ZNF81: variants seen among roughly 807,000 people sequenced by gnomAD.
ZNF81 encodes zinc finger protein 81 (HFZ20).
In ZNF81, 5 loss-of-function variants were observed where a neutral mutation model predicts 32.3. That is an observed-to-expected ratio of 0.15 (90% CI 0.08 to 0.33). The LOEUF is 0.33. Among genes scored for constraint, ZNF81 ranks in the 10% least tolerant of loss-of-function variants. The pLI is 1.00. For missense variants in ZNF81, 379 were observed against 479.8 expected, an observed-to-expected ratio of 0.79 and a Z score of 1.96; for synonymous variants, 163 against 166.8, an observed-to-expected ratio of 0.98 and a Z score of 0.17.
In ZNF81 at chrX:47,873,179, G is replaced by A. The variant is rs17332436; in HGVS notation, c.55-14820G>A. Among the ~76,000 whole-genome samples the A allele has an allele frequency of 0.013, 1,488 of 111,775 alleles. 72 individuals are homozygous for A. In the East Asian group the frequency reaches 0.16, roughly 12 times the overall value. ...CAGGAGAAAGTAAGAAAGCATGTTC[G>A]TTATCAGAGGACCTATCTTTATGGG... On this transcript the variant is annotated intron_variant, in intron 2 of 4. Coordinates refer to ENST00000338637, the MANE Select transcript of ZNF81 (RefSeq NM_007137.5).
intron 2 of ZNF81, among the ~76,000 whole-genome samples, chrX:47,871,640 C>G (rs1188762134): frequency 9.0e-6 from 1 of 111,704 alleles, no homozygotes; most frequent in Non-Finnish European, 1.9e-5. Flanking sequence ...ATTGCATCTT[C>G]CAAGCACAAG....
chrX:47,866,058 G>T (rs186890299), intron 2 of ZNF81, among the ~76,000 whole-genome samples: 126 of 111,912 alleles, frequency 1.1e-3, no homozygotes, highest in African/African-American at 3.8e-3. Context: ...ATTGCCCCTG[G>T]GAGAGTACTG....
intron 3 of ZNF81, among the ~76,000 whole-genome samples, chrX:47,888,749 C>G (rs2058652088): frequency 9.0e-6 from 1 of 111,258 alleles, no homozygotes; most frequent in South Asian, 3.8e-4. Flanking sequence ...GAGGCTGGAG[C>G]TAGGGGCTAG....
intron 2 of ZNF81, among the ~76,000 whole-genome samples, chrX:47,877,840 G>A (rs889420492): frequency 1.1e-4 from 12 of 111,870 alleles, no homozygotes; most frequent in Non-Finnish European, 2.1e-4. Flanking sequence ...GAATTCTTTG[G>A]GTCAGTTTCT....
At chrX:47,908,719 G>C (rs782421475) in intron 4 of ZNF81, among the ~76,000 whole-genome samples, 5 of 112,294 alleles carry the variant, frequency 4.5e-5, no homozygotes, top group Non-Finnish European at 7.5e-5. Context: ...ATGAACTGCT[G>C]TTACAAGAAC....
intron 2 of ZNF81, among the ~76,000 whole-genome samples, chrX:47,855,417 A>G (rs1446953526): frequency 9.0e-6 from 1 of 110,705 alleles, no homozygotes; most frequent in Non-Finnish European, 1.9e-5. Flanking sequence ...GTGCAATGAA[A>G]CCATGTATGC....
In ZNF81 at chrX:47,846,152, A is replaced by G. The variant is rs1057515906; in HGVS notation, c.-116A>G. 1 of 882,239 alleles carries G rather than the reference A, an allele frequency of 1.1e-6. No homozygotes were observed. The highest frequency in any genetic ancestry group is 2.6e-5 in the Admixed American group (1 of 38,003). The allele number at this position is 882,239 out of a possible 1,213,427, so 72.7% of individuals were successfully genotyped here. On this transcript the variant is annotated 5_prime_UTR_variant, in exon 2 of 5. Coordinates refer to ENST00000338637, the MANE Select transcript of ZNF81 (RefSeq NM_007137.5). ...TCCCTGGGCCAGATCTCACAGTGAA[A>G]GCTGCAGGATCTTCCTTCTGACCCC... is the stretch of plus-strand genomic sequence containing the variant.
At position 47,922,582 on chromosome X, in the gene ZNF81, C is replaced by T. The variant is rs1205987390; in HGVS notation, c.*5950C>T. On this transcript the variant is annotated 3_prime_UTR_variant, in exon 5 of 5. Coordinates refer to ENST00000338637, the MANE Select transcript of ZNF81 (RefSeq NM_007137.5). The stretch of plus-strand genomic sequence containing the variant: ...ATCTGCCAGGGTTTCAATCCTGGCT[C>T]TACCAATTTACTAGTTTATGTGACC... 9.0e-6 allele frequency among the ~76,000 whole-genome samples: 1 copy of T among 111,723 alleles called. No individual in the cohort carries two copies. Among genetic ancestry groups the T allele is most frequent in the Non-Finnish European group, 1.9e-5 (1 of 53,137 alleles).
At chrX:47,911,937 G>C (rs927675890) in intron 4 of ZNF81, among the ~76,000 whole-genome samples, 1 of 110,705 alleles carries the variant, frequency 9.0e-6, no homozygotes, top group Non-Finnish European at 1.9e-5. Context: ...CCTTTGATTT[G>C]AAAATAAACT....
At chrX:47,875,727 T>A (rs1423393233) in intron 2 of ZNF81, among the ~76,000 whole-genome samples, 1 of 112,136 alleles carries the variant, frequency 8.9e-6, no homozygotes, top group Admixed American at 9.5e-5. Flanking sequence ...ACACAGGAAA[T>A]CCTGACTACA....
At chrX:47,859,358 T>G (rs1251740655) in intron 2 of ZNF81, among the ~76,000 whole-genome samples, 2 of 111,481 alleles carry the variant, frequency 1.8e-5, no homozygotes, top group African/African-American at 3.3e-5. Context: ...AATTATATAC[T>G]GATTTTCCTC....
chrX:47,898,866 T>C (rs2058688918), intron 4 of ZNF81, among the ~76,000 whole-genome samples: 1 of 112,077 alleles, frequency 8.9e-6, no homozygotes, highest in Admixed American at 9.5e-5. Context: ...TTTTTGATTT[T>C]CATTGCTAAT....
At chrX:47,873,755 C>A (rs2058589267) in intron 2 of ZNF81, among the ~76,000 whole-genome samples, 1 of 111,704 alleles carries the variant, frequency 9.0e-6, no homozygotes, top group African/African-American at 3.3e-5. Flanking sequence ...CAACCTCCGC[C>A]TCCTGGGTAT....
chrX:47,905,650 AT>A (rs1569392371), intron 4 of ZNF81, among the ~76,000 whole-genome samples: 2 of 110,777 alleles, frequency 1.8e-5, no homozygotes, highest in African/African-American at 3.3e-5. Flanking sequence ...AAGTTTAAAA[AT>A]TTTTTAATCT....
At chrX:47,864,632 T>C (rs1344733213) in intron 2 of ZNF81, among the ~76,000 whole-genome samples, 2 of 112,140 alleles carry the variant, frequency 1.8e-5, no homozygotes, top group African/African-American at 6.5e-5. Context: ...GTGCCCAGTC[T>C]GTGACAATGG....
intron 2 of ZNF81, among the ~76,000 whole-genome samples, chrX:47,870,251 G>A (rs1569380149): frequency 8.9e-6 from 1 of 111,960 alleles, no homozygotes; most frequent in East Asian, 2.8e-4. Context: ...ACAGGACATG[G>A]TCTCAGACCC....
intron 3 of ZNF81, among the ~76,000 whole-genome samples, chrX:47,892,709 A>G (rs2058666738): frequency 3.6e-5 from 4 of 112,570 alleles, no homozygotes; most frequent in South Asian, 3.6e-4. Flanking sequence ...CACCTTTATC[A>G]TACACCCTTG....
At chrX:47,862,981 G>A (rs782308861) in intron 2 of ZNF81, among the ~76,000 whole-genome samples, 3 of 111,695 alleles carry the variant, frequency 2.7e-5, no homozygotes, top group South Asian at 3.7e-4. Flanking sequence ...AGAACAGGAC[G>A]TTAGAGGGTC....
At position 47,918,925 on chromosome X, in the gene ZNF81, T is replaced by C. The variant is rs2058766549; in HGVS notation, c.*2293T>C. 3 of 229,264 alleles carry C rather than the reference T, an allele frequency of 1.3e-5. No homozygotes were observed. Among genetic ancestry groups the C allele is most frequent in the Non-Finnish European group, 2.5e-5 (3 of 121,920 alleles). 18.9% of individuals were successfully genotyped at this position (229,264 alleles called of 1,213,427 possible). On this transcript the variant is annotated 3_prime_UTR_variant, in exon 5 of 5. Coordinates refer to ENST00000338637, the MANE Select transcript of ZNF81 (RefSeq NM_007137.5). Reference sequence around the variant, plus strand: ...TGAATGGGAGTGTCTATTACAGTTATCCTGTACCTATCCCACCATTGTATA... The same window carrying C: ...TGAATGGGAGTGTCTATTACAGTTACCCTGTACCTATCCCACCATTGTATA...
Sources: allele counts gnomAD v4.1 joint callset (sites outside exome capture counted in the v4.1 genomes callset), GRCh38; gene constraint gnomAD v4.1.1; transcripts MANE v1.5; gene names NCBI Gene and HGNC (gene_info 2026-07-23, HGNC 2026-07-21).